Variants in SUMF1 observed in about 807,000 individuals in gnomAD.
SUMF1 encodes sulfatase modifying factor 1.
Under a neutral mutation model 47.6 loss-of-function variants are expected in SUMF1, and 48 were observed. That is an observed-to-expected ratio of 1.01 (90% CI 0.80 to 1.28). SUMF1 has a LOEUF of 1.28. Among genes scored for constraint, SUMF1 ranks in the 50% most tolerant of loss-of-function variants. SUMF1 has a pLI of 0.00. For missense variants in SUMF1, 571 were observed against 485.4 expected (o/e 1.18, Z -1.66); for synonymous variants, 230 against 192.1 (o/e 1.20, Z -1.63).
intron 8 of SUMF1, among the ~76,000 whole-genome samples, chr3:4,334,211 C>G (rs1699102544): frequency 6.6e-6 from 1 of 152,056 alleles, no homozygotes; most frequent in Admixed American, 6.5e-5. Context: ...GGCTAGATAT[C>G]AGCTTCTAAT....
chr3:4,082,949 T>C (rs1402535304), intron 8 of SUMF1, among the ~76,000 whole-genome samples: 1 of 152,070 alleles, frequency 6.6e-6, no homozygotes, highest in Non-Finnish European at 1.5e-5. Context: ...ACGACCAGAG[T>C]GGTGCACTGC....
intron 8 of SUMF1, among the ~76,000 whole-genome samples, chr3:4,124,479 C>T (rs1693611744): frequency 6.6e-6 from 1 of 152,058 alleles, no homozygotes; most frequent in Admixed American, 6.6e-5. Flanking sequence ...CTAATCCCTT[C>T]CCTGTTGATT....
At chr3:4,351,180 A>G (rs1699493288) in intron 8 of SUMF1, among the ~76,000 whole-genome samples, 1 of 151,940 alleles carries the variant, frequency 6.6e-6, no homozygotes, top group African/African-American at 2.4e-5. Flanking sequence ...TAATAAATAT[A>G]AAATTACAAA....
chr3:4,268,113 A>G lies in SUMF1; in HGVS notation c.1014+108217T>C, dbSNP rs147354166. Among the ~76,000 whole-genome samples, 55 of 152,334 alleles carry G rather than the reference A, an allele frequency of 3.6e-4. No homozygotes were observed. The East Asian group carries it at 0.01, about 28-fold the overall frequency. On this transcript the variant is annotated intron_variant and NMD_transcript_variant, in intron 8 of 12. Coordinates refer to the SUMF1 transcript ENST00000448413. Reference sequence around the variant, plus strand: ...GACATGGATGAAATTGGAAATCATCATTCTCAGTAAACTATGTCAAGAACA... The same window carrying G: ...GACATGGATGAAATTGGAAATCATCGTTCTCAGTAAACTATGTCAAGAACA...
chr3:4,207,538 C>G (rs1304143), intron 8 of SUMF1, among the ~76,000 whole-genome samples: 1 of 152,080 alleles, frequency 6.6e-6, no homozygotes, highest in East Asian at 1.9e-4. Context: ...TATTTTCAAA[C>G]GTTTTTATAT....
chr3:4,315,798 G>A (rs1012775988), intron 8 of SUMF1, among the ~76,000 whole-genome samples: 3 of 152,098 alleles, frequency 2.0e-5, no homozygotes, highest in African/African-American at 4.8e-5. Context: ...TGTAATCCCA[G>A]CACTTTGGGA....
At chr3:4,250,270 G>A (rs1339127126) in intron 8 of SUMF1, among the ~76,000 whole-genome samples, 2 of 148,084 alleles carry the variant, frequency 1.4e-5, no homozygotes, top group Non-Finnish European at 3.0e-5. Flanking sequence ...GGGAAAGAGG[G>A]GGAAAGGGGG....
Position 4,176,431 on chromosome 3 carries a change from C to A in SUMF1, c.1015-107686G>T, listed in dbSNP as rs530015610. ...TTCCAAAACAGAATTTCATATCCAG[C>A]TATACTAAGCTTCATAATTGAAGGA... On this transcript the variant is annotated intron_variant and NMD_transcript_variant, in intron 8 of 12. Transcript: ENST00000448413. Among the ~76,000 whole-genome samples the A allele has an allele frequency of 8.1e-4, 123 of 152,248 alleles. 1 individual carries two copies. The highest frequency in any genetic ancestry group is 3.4e-3 in the Middle Eastern group (1 of 294).
intron 9 of SUMF1, chr3:4,068,537 T>A (rs1165884385): frequency 4.2e-6 from 1 of 240,598 alleles, no homozygotes; most frequent in South Asian, 4.6e-5. Flanking sequence ...TCATACTAAG[T>A]CTTCAAAATT....
intron 8 of SUMF1, among the ~76,000 whole-genome samples, chr3:4,200,757 G>A (rs1695523438): frequency 6.6e-6 from 1 of 152,034 alleles, no homozygotes; most frequent in Admixed American, 6.6e-5. Context: ...ACAGGATTCT[G>A]TCTCTCTGGA....
chr3:4,072,088 G>A (rs897640648), intron 8 of SUMF1, among the ~76,000 whole-genome samples: 1 of 152,106 alleles, frequency 6.6e-6, no homozygotes, highest in South Asian at 2.1e-4. Flanking sequence ...AAATTTTCCA[G>A]AGTAAGGATC....
chr3:4,435,088 G>A (rs955199871), intron 3 of SUMF1, among the ~76,000 whole-genome samples: 5 of 151,942 alleles, frequency 3.3e-5, no homozygotes, highest in African/African-American at 7.3e-5. Context: ...CACCACACCC[G>A]GCTGATTTTT....
At chr3:4,460,438 A>G (rs1329125954) in intron 1 of SUMF1, among the ~76,000 whole-genome samples, 2 of 151,934 alleles carry the variant, frequency 1.3e-5, no homozygotes, top group Non-Finnish European at 2.9e-5. Context: ...ATATATAAAC[A>G]TCAGAGCTCA....
At position 4,448,622 on chromosome 3, in the gene SUMF1, A is replaced by G. The variant is rs1702865048; in HGVS notation, c.519+644T>C. On this transcript the variant is annotated intron_variant, in intron 3 of 8. Coordinates refer to ENST00000272902, the MANE Select transcript of SUMF1 (RefSeq NM_182760.4). The stretch of plus-strand genomic sequence containing the variant: ...ACTCCAACATACACAAACCTGCTAA[A>G]ATGTCTGGAACAAGAATCCCAAGTT... Among the ~76,000 whole-genome samples the G allele has an allele frequency of 2.0e-5, 3 of 152,188 alleles. No homozygotes were observed. The South Asian group carries it at 6.2e-4, about 31-fold the overall frequency.
At chr3:4,054,599 C>T (rs1395969843) in intron 9 of SUMF1, among the ~76,000 whole-genome samples, 1 of 152,108 alleles carries the variant, frequency 6.6e-6, no homozygotes, top group East Asian at 1.9e-4. Context: ...TTATCTGTCA[C>T]AGTCTTTTAC....
chr3:4,116,706 T>C (rs577903885), intron 8 of SUMF1, among the ~76,000 whole-genome samples: 1 of 152,264 alleles, frequency 6.6e-6, no homozygotes, highest in South Asian at 2.1e-4. Context: ...GTCTGTACTT[T>C]AATCACTTCT....
intron 8 of SUMF1, among the ~76,000 whole-genome samples, chr3:4,242,259 C>T (rs1696554437): frequency 6.6e-6 from 1 of 152,122 alleles, no homozygotes; most frequent in Non-Finnish European, 1.5e-5. Context: ...TAATTGAATA[C>T]ACTTTATTTC....
At chr3:4,458,761 CAGG>C (rs1022127768) in intron 1 of SUMF1, among the ~76,000 whole-genome samples, 18 of 152,056 alleles carry the variant, frequency 1.2e-4, no homozygotes, top group African/African-American at 4.3e-4. Flanking sequence ...GAGGCTGAGG[CAGG>C]AGAATGGCGT....
intron 8 of SUMF1, among the ~76,000 whole-genome samples, chr3:4,367,064 T>C (rs1699991185): frequency 6.6e-6 from 1 of 152,108 alleles, no homozygotes; most frequent in Non-Finnish European, 1.5e-5. Context: ...TGCTGTCTGA[T>C]TGTTCCTCTG....
Sources: gnomAD v4.1 joint callset for allele counts (sites outside exome capture counted in the v4.1 genomes callset) on GRCh38, gnomAD v4.1.1 for gene constraint, MANE v1.5 for transcripts, NCBI Gene and HGNC (gene_info 2026-07-23, HGNC 2026-07-21) for gene names.